Variants in PDE10A observed in about 807,000 individuals in gnomAD.
PDE10A encodes the protein phosphodiesterase 10A, also known as cAMP and cAMP-inhibited cGMP 3',5'-cyclic phosphodiesterase 10A.
In PDE10A, 39 loss-of-function variants were observed where a neutral mutation model predicts 97.7. The observed-to-expected ratio is 0.40, with a 90% CI of 0.31 to 0.52. The LOEUF (loss-of-function observed/expected upper bound fraction) is 0.52, where lower values mean the gene tolerates loss of function less well. Among genes scored for constraint, PDE10A ranks in the 20% least tolerant of loss-of-function variants. PDE10A has a pLI of 0.56. For missense variants in PDE10A, 731 were observed against 1,047.8 expected (o/e 0.70, Z 4.17); for synonymous variants, 371 against 376.8 (o/e 0.98, Z 0.18).
intron 1 of PDE10A, among the ~76,000 whole-genome samples, chr6:165,862,096 C>G (rs962837298): frequency 6.6e-6 from 1 of 152,210 alleles, no homozygotes; most frequent in African/African-American, 2.4e-5. Context: ...CACCCATTCC[C>G]ACATTCCCAT....
intron 1 of PDE10A, chr6:165,576,365 A>C: frequency 1.3e-6 from 1 of 780,080 alleles, no homozygotes; most frequent in South Asian, 1.3e-5. Flanking sequence ...TGTCTATCTG[A>C]ATGTCCCTTC....
At chr6:165,648,744 C>T (rs774512149) in intron 1 of PDE10A, among the ~76,000 whole-genome samples, 12 of 152,216 alleles carry the variant, frequency 7.9e-5, no homozygotes, top group Non-Finnish European at 1.3e-4. Flanking sequence ...AGGAACAGAA[C>T]AGTTACACAA....
intron 1 of PDE10A, among the ~76,000 whole-genome samples, chr6:165,758,015 C>G: frequency 6.6e-6 from 1 of 152,110 alleles, no homozygotes; most frequent in Non-Finnish European, 1.5e-5. Flanking sequence ...TTGAAGTATC[C>G]ATATGTATTA....
rs181883274 is a variant in PDE10A at position 165,650,482 on chromosome 6, T to G, written c.865+11465A>C. 3.0e-5 allele frequency among the ~76,000 whole-genome samples: 4 copies of G among 133,396 alleles called. No homozygotes were observed. The East Asian group carries it at 8.4e-4, about 28-fold the overall frequency. The allele number at this position is 133,396 out of a possible 152,430, so 87.5% of individuals were successfully genotyped here. ...AAGTATATGCTTTTATTGTCCTTTCTAACATAAAAATGTATCTGAGTGTGT... is the reference window on the plus strand; with the variant it reads ...AAGTATATGCTTTTATTGTCCTTTCGAACATAAAAATGTATCTGAGTGTGT... On this transcript the variant is annotated intron_variant, in intron 1 of 21. Transcript: ENST00000539869.
chr6:165,652,321 A>G (rs1271948407), intron 1 of PDE10A, among the ~76,000 whole-genome samples: 3 of 150,486 alleles, frequency 2.0e-5, no homozygotes. Context: ...CAATGGTGTG[A>G]TCATGGCTCA....
intron 13 of PDE10A, among the ~76,000 whole-genome samples, chr6:165,401,038 G>A (rs1487764544): frequency 1.3e-5 from 2 of 152,142 alleles, no homozygotes; most frequent in Non-Finnish European, 2.9e-5. Flanking sequence ...ATGGTCACCT[G>A]AAGATGAGAA....
chr6:165,480,448 T>C (rs1357142885), intron 3 of PDE10A, among the ~76,000 whole-genome samples: 6 of 151,962 alleles, frequency 3.9e-5, no homozygotes, highest in African/African-American at 1.5e-4. Context: ...TAGCTGGGCA[T>C]GGTGGCACAG....
chr6:165,704,169 CTG>C (rs1791648914), intron 1 of PDE10A, among the ~76,000 whole-genome samples: 1 of 152,156 alleles, frequency 6.6e-6, no homozygotes, highest in South Asian at 2.1e-4. Context: ...CCAGCAAAAA[CTG>C]TGGGTGTTGT....
At chr6:165,644,888 C>T (rs1293386903) in intron 1 of PDE10A, among the ~76,000 whole-genome samples, 3 of 152,166 alleles carry the variant, frequency 2.0e-5, no homozygotes, top group African/African-American at 7.2e-5. Context: ...TCTGGATTTA[C>T]GTTGATCTCC....
At chr6:165,563,638 C>G (rs1251706481) in intron 1 of PDE10A, among the ~76,000 whole-genome samples, 2 of 152,068 alleles carry the variant, frequency 1.3e-5, no homozygotes, top group Non-Finnish European at 2.9e-5. Flanking sequence ...ATCTGTAATC[C>G]CAGCACCTTG....
chr6:165,865,387 A>C (rs1583208284), intron 1 of PDE10A, among the ~76,000 whole-genome samples: 1 of 152,358 alleles, frequency 6.6e-6, no homozygotes, highest in East Asian at 1.9e-4. Context: ...GAGAAACATG[A>C]AAAGCAAGGA....
At chr6:165,870,511 G>T (rs1320651640) in intron 1 of PDE10A, among the ~76,000 whole-genome samples, 2 of 152,172 alleles carry the variant, frequency 1.3e-5, no homozygotes, top group African/African-American at 2.4e-5. Flanking sequence ...TAGTAGGAAT[G>T]CAAATTAGTA....
Position 165,435,324 on chromosome 6 carries a change from G to A in PDE10A, c.1248C>T (p.Ile416=). The A allele has an allele frequency of 1.2e-6, 2 of 1,614,032 alleles. No homozygotes were observed. The highest frequency in any genetic ancestry group is 1.1e-5 in the South Asian group (1 of 91,084). ...PGIKEGKPRL[I]PAGPITQGTT... ...TGCCCTGAGTGATGGGCCCAGCAGG[G>A]ATGAGGCGGGGTTTTCCTTCCTTTA... Residue 416 remains isoleucine (I), a synonymous_variant, in exon 6 of 22, where the codon ATC becomes ATT. Coordinates refer to ENST00000539869, the MANE Select transcript of PDE10A (RefSeq NM_001385079.1).
chr6:165,677,301 C>A (rs559389875), intron 1 of PDE10A, among the ~76,000 whole-genome samples: 1 of 152,314 alleles, frequency 6.6e-6, no homozygotes, highest in East Asian at 1.9e-4. Flanking sequence ...AACACCAGCT[C>A]TTCCCTGGGC....
intron 1 of PDE10A, among the ~76,000 whole-genome samples, chr6:165,863,144 C>T (rs766949850): frequency 6.6e-6 from 1 of 152,312 alleles, no homozygotes; most frequent in East Asian, 1.9e-4. Flanking sequence ...CAGTTTGTGG[C>T]CTCTCAGGAG....
In PDE10A at chr6:165,637,899, A is replaced by G. The variant is rs150090200; in HGVS notation, c.865+24048T>C. On this transcript the variant is annotated intron_variant, in intron 1 of 21. Transcript: ENST00000539869. ...CAGAGCCAAAAGATAATTTCTCAAA[A>G]TATGCCTTGTCTTTATCTCTTGAAA... Among the ~76,000 whole-genome samples the G allele has an allele frequency of 4.5e-3, 689 of 152,346 alleles. 3 individuals are homozygous for G. Among genetic ancestry groups the G allele is most frequent in the Non-Finnish European group, 7.1e-3 (484 of 68,042 alleles).
chr6:165,888,240 C>G (rs1487731975), intron 1 of PDE10A, among the ~76,000 whole-genome samples: 1 of 152,046 alleles, frequency 6.6e-6, no homozygotes, highest in Non-Finnish European at 1.5e-5. Context: ...TTTAGTATAG[C>G]TCATTACCTT....
chr6:165,719,568 C>G (rs1274704538), intron 1 of PDE10A, among the ~76,000 whole-genome samples: 1 of 152,120 alleles, frequency 6.6e-6, no homozygotes, highest in Non-Finnish European at 1.5e-5. Flanking sequence ...CTGGGAGCAG[C>G]AAAGGAGCTT....
At chr6:165,412,573 C>T (rs145860174) in intron 13 of PDE10A, among the ~76,000 whole-genome samples, 1 of 152,088 alleles carries the variant, frequency 6.6e-6, no homozygotes, top group East Asian at 1.9e-4. Context: ...CAAAAGGGCA[C>T]CAGGAATGCG....
Sources: allele counts gnomAD v4.1 joint callset (sites outside exome capture counted in the v4.1 genomes callset), GRCh38; gene constraint gnomAD v4.1.1; transcripts MANE v1.5; gene names NCBI Gene and HGNC (gene_info 2026-07-23, HGNC 2026-07-21).